The following GALNT14 variants were observed in gnomAD, a reference collection of about 807,000 sequenced individuals.
The protein encoded by GALNT14 is polypeptide N-acetylgalactosaminyltransferase 14.
GALNT14 carries 60 observed loss-of-function variants against 77.5 expected under a neutral mutation model. That is an observed-to-expected ratio of 0.77 (90% CI 0.63 to 0.96). GALNT14 has a LOEUF of 0.96. Ranked by LOEUF, GALNT14 falls within the 40% of genes least tolerant of loss-of-function variation. The probability of loss-of-function intolerance (pLI) is 0.00; values close to 1 mark genes in which losing one functional copy is unlikely to be tolerated. For missense variants in GALNT14, 710 were observed against 731.0 expected (o/e 0.97, Z 0.33); for synonymous variants, 280 against 281.7 (o/e 0.99, Z 0.06).
chr2:31,129,288 G>T (rs575715580), intron 1 of GALNT14: 30 of 678,516 alleles, frequency 4.4e-5, no homozygotes, highest in East Asian at 1.3e-4. Context: ...TCACAAAGTC[G>T]CAGTAAGGAT....
At chr2:30,897,776 A>C in the GALNT14 span, among the ~76,000 whole-genome samples, 14 of 152,312 alleles carry the variant, frequency 9.2e-5, no homozygotes, top group East Asian at 2.5e-3. Context: ...AACTGCATGC[A>C]ACTAAAGGGC....
At chr2:30,940,685 C>T (rs371471022) in intron 9 of GALNT14, among the ~76,000 whole-genome samples, 1 of 152,084 alleles carries the variant, frequency 6.6e-6, no homozygotes, top group African/African-American at 2.4e-5. Flanking sequence ...TGGGCTCCAC[C>T]CCATAAGAGA....
chr2:30,973,933 GA>G (rs1668499050), intron 2 of GALNT14, among the ~76,000 whole-genome samples: 4 of 152,192 alleles, frequency 2.6e-5, no homozygotes, highest in Admixed American at 2.6e-4. Flanking sequence ...CAGTGGTCTA[GA>G]AAGGGAATAA....
chr2:31,070,441 GAAC>G (rs1675290481), intron 1 of GALNT14, among the ~76,000 whole-genome samples: 1 of 152,166 alleles, frequency 6.6e-6, no homozygotes, highest in African/African-American at 2.4e-5. Context: ...TCCCTCACCT[GAAC>G]ACCACCTCCT....
intron 2 of GALNT14, among the ~76,000 whole-genome samples, chr2:30,974,170 T>C (rs947639430): frequency 1.3e-5 from 2 of 152,202 alleles, no homozygotes; most frequent in African/African-American, 4.8e-5. Context: ...CTATGCACTA[T>C]GTGCCAAAAC....
rs951447347 is a variant in GALNT14, at chr2:31,079,159, T to C, written c.129+58799A>G. 1.0e-5 allele frequency: 8 copies of C among 786,162 alleles called. No homozygotes were observed. The African/African-American group carries it at 1.3e-4, about 13-fold the overall frequency. 48.7% of individuals were successfully genotyped at this position (786,162 alleles called of 1,614,324 possible). A position where few individuals can be genotyped will look rare whatever the true frequency, so the allele number is the denominator to read the frequency against. On this transcript the variant is annotated intron_variant, in intron 1 of 14. Coordinates refer to ENST00000349752, the MANE Select transcript of GALNT14 (RefSeq NM_024572.4). ...ACCAGCTTGTTTGAACCCAGTGCTATTGCCCAGGCTCCACATCAGTGTGGA... is the reference window on the plus strand; with the variant it reads ...ACCAGCTTGTTTGAACCCAGTGCTACTGCCCAGGCTCCACATCAGTGTGGA...
chr2:31,126,891 C>T (rs544807576), intron 1 of GALNT14: 6 of 152,198 alleles, frequency 3.9e-5, no homozygotes, highest in Admixed American at 2.6e-4. Flanking sequence ...GGGAGTAAGA[C>T]GTGGGTAACT....
chr2:31,102,049 T>G (rs1320004174), intron 1 of GALNT14, among the ~76,000 whole-genome samples: 1 of 152,140 alleles, frequency 6.6e-6, no homozygotes, highest in African/African-American at 2.4e-5. Flanking sequence ...GTGAGTCAAT[T>G]AAACCTCTTT....
intron 3 of GALNT14, among the ~76,000 whole-genome samples, chr2:30,965,029 C>T (rs972788033): frequency 6.6e-6 from 1 of 152,080 alleles, no homozygotes; most frequent in South Asian, 2.1e-4. Context: ...CTCAGCAGGA[C>T]AGGAAGGGTC....
At chr2:30,962,422 C>T (rs953765266) in intron 3 of GALNT14, among the ~76,000 whole-genome samples, 1 of 152,200 alleles carries the variant, frequency 6.6e-6, no homozygotes, top group Admixed American at 6.5e-5. Flanking sequence ...AGTGAGAAGA[C>T]TCAACACATA....
intron 8 of GALNT14, among the ~76,000 whole-genome samples, chr2:30,943,230 G>A (rs1238718698): frequency 1.3e-5 from 2 of 151,900 alleles, no homozygotes; most frequent in African/African-American, 2.4e-5. Context: ...CCTTTTCTTC[G>A]TCCCAGTCCC....
intron 1 of GALNT14, among the ~76,000 whole-genome samples, chr2:31,026,507 T>G (rs116534169): frequency 6.6e-6 from 1 of 152,194 alleles, no homozygotes; most frequent in African/African-American, 2.4e-5. Flanking sequence ...GGCTCAGAGA[T>G]GAGTTAGCCC....
At chr2:30,997,653 G>A (rs1670118920) in intron 1 of GALNT14, among the ~76,000 whole-genome samples, 2 of 152,122 alleles carry the variant, frequency 1.3e-5, no homozygotes, top group South Asian at 2.1e-4. Context: ...AAAGTATGAT[G>A]CCACAAACAG....
intron 1 of GALNT14, among the ~76,000 whole-genome samples, chr2:31,084,539 G>C (rs941526027): frequency 3.3e-5 from 5 of 152,162 alleles, no homozygotes; most frequent in African/African-American, 1.2e-4. Context: ...AGCTTGCCTG[G>C]GCCATGGAGT....
intron 1 of GALNT14, among the ~76,000 whole-genome samples, chr2:31,071,619 T>G (rs1343481888): frequency 6.6e-6 from 1 of 152,112 alleles, no homozygotes; most frequent in Non-Finnish European, 1.5e-5. Context: ...CTGCCCTGCC[T>G]GATGACCTGG....
At chr2:31,005,411 T>TTCC (rs757957187) in intron 1 of GALNT14, among the ~76,000 whole-genome samples, 5 of 152,098 alleles carry the variant, frequency 3.3e-5, no homozygotes, top group Non-Finnish European at 7.4e-5. Context: ...CGTGGTCAGT[T>TTCC]TCCTCCTCCT....
At chr2:30,951,004 T>G (rs1666991118) in intron 6 of GALNT14, among the ~76,000 whole-genome samples, 1 of 152,206 alleles carries the variant, frequency 6.6e-6, no homozygotes, top group Non-Finnish European at 1.5e-5. Context: ...AAAATCAGCC[T>G]GGGGGTCCCT....
downstream of GALNT14, among the ~76,000 whole-genome samples, chr2:30,907,165 C>T (rs1334477489): frequency 6.6e-6 from 1 of 152,062 alleles, no homozygotes; most frequent in Non-Finnish European, 1.5e-5. Flanking sequence ...AAAGCAAGAA[C>T]AAACACATTC....
At chr2:31,049,802 A>G (rs1673722666) in intron 1 of GALNT14, among the ~76,000 whole-genome samples, 2 of 152,252 alleles carry the variant, frequency 1.3e-5, no homozygotes, top group Non-Finnish European at 2.9e-5. Context: ...TTCTGACTGC[A>G]CATTAAACTT....
Sources: allele counts gnomAD v4.1 joint callset (sites outside exome capture counted in the v4.1 genomes callset), GRCh38; gene constraint gnomAD v4.1.1; transcripts MANE v1.5; gene names NCBI Gene and HGNC (gene_info 2026-07-23, HGNC 2026-07-21).